Variants in CTIF observed in about 807,000 individuals in gnomAD.
The protein encoded by CTIF is cap binding complex dependent translation initiation factor.
A neutral mutation model predicts 66.0 loss-of-function variants in CTIF; 21 were observed. The observed-to-expected ratio is 0.32, with a 90% CI of 0.23 to 0.46. The LOEUF (loss-of-function observed/expected upper bound fraction) is 0.46, where lower values mean the gene tolerates loss of function less well. Among genes scored for constraint, CTIF ranks in the 20% least tolerant of loss-of-function variants. The pLI is 1.00. For missense variants in CTIF, 739 were observed against 812.7 expected (o/e 0.91, Z 1.10); for synonymous variants, 345 against 326.4 (o/e 1.06, Z -0.62).
intron 9 of CTIF, among the ~76,000 whole-genome samples, chr18:48,797,355 T>C: frequency 6.6e-6 from 1 of 152,038 alleles, no homozygotes; most frequent in Admixed American, 6.6e-5. Flanking sequence ...TGGTGGTGCG[T>C]GCCTGTAATG....
intron 1 of CTIF, among the ~76,000 whole-genome samples, chr18:48,588,869 C>G (rs996073982): frequency 2.0e-5 from 3 of 152,202 alleles, no homozygotes; most frequent in African/African-American, 7.2e-5. Context: ...CAAGGTCAGA[C>G]TTTTCCCTCT....
At chr18:48,616,998 T>C (rs937079306) in intron 1 of CTIF, among the ~76,000 whole-genome samples, 4 of 152,260 alleles carry the variant, frequency 2.6e-5, no homozygotes, top group African/African-American at 9.6e-5. Flanking sequence ...CTCACAGTTC[T>C]GTAAGTCAGA....
At chr18:48,550,414 C>T (rs2145528382) in intron 1 of CTIF, among the ~76,000 whole-genome samples, 1 of 152,178 alleles carries the variant, frequency 6.6e-6, no homozygotes, top group East Asian at 1.9e-4. Flanking sequence ...GTTCTGTTGT[C>T]CCTGCTGATT....
chr18:48,562,483 A>T (rs1156869068), intron 1 of CTIF, among the ~76,000 whole-genome samples: 1 of 152,220 alleles, frequency 6.6e-6, no homozygotes, highest in African/African-American at 2.4e-5. Context: ...CTGATGTGGC[A>T]TGGTCAGCAT....
chr18:48,619,396 T>C (rs1178956933), intron 1 of CTIF, 142 bp from the exon 2 acceptor site: 28 of 540,010 alleles, frequency 5.2e-5, no homozygotes, highest in South Asian at 3.2e-4. Context: ...AGCCCCTCGC[T>C]GACTTCTCAG....
At chr18:48,680,106 T>C (rs1189454141) in intron 6 of CTIF, among the ~76,000 whole-genome samples, 1 of 152,174 alleles carries the variant, frequency 6.6e-6, no homozygotes, top group African/African-American at 2.4e-5. Flanking sequence ...TGACTGAGCC[T>C]ATGCCCTCCT....
intron 9 of CTIF, among the ~76,000 whole-genome samples, chr18:48,815,400 A>G (rs1216638552): frequency 6.6e-6 from 1 of 152,212 alleles, no homozygotes; most frequent in Non-Finnish European, 1.5e-5. Context: ...CAGTAATAGG[A>G]CCTGCCTTAT....
At chr18:48,580,314 G>A (rs139517249) in intron 1 of CTIF, among the ~76,000 whole-genome samples, 391 of 152,306 alleles carry the variant, frequency 2.6e-3, no homozygotes, top group African/African-American at 9.2e-3. Flanking sequence ...TCTCCAATCA[G>A]CAAACAAGAG....
intron 7 of CTIF, among the ~76,000 whole-genome samples, chr18:48,721,466 G>C (rs2092335015): frequency 6.6e-6 from 1 of 152,050 alleles, no homozygotes; most frequent in African/African-American, 2.4e-5. Context: ...ATTCCTCTCC[G>C]GAGCCCCAAG....
At chr18:48,802,290 C>T (rs755363206) in intron 9 of CTIF, among the ~76,000 whole-genome samples, 10 of 152,198 alleles carry the variant, frequency 6.6e-5, no homozygotes, top group Non-Finnish European at 1.0e-4. Context: ...CACCTGTGCC[C>T]GGGCCTAGGC....
intron 10 of CTIF, among the ~76,000 whole-genome samples, chr18:48,837,941 T>C (rs948170925): frequency 6.6e-6 from 1 of 152,166 alleles, no homozygotes; most frequent in Non-Finnish European, 1.5e-5. Flanking sequence ...AGTGGGGCTG[T>C]CTCTGGAACT....
At chr18:48,612,888 G>A (rs771606972) in intron 1 of CTIF, among the ~76,000 whole-genome samples, 1 of 152,190 alleles carries the variant, frequency 6.6e-6, no homozygotes, top group Non-Finnish European at 1.5e-5. Flanking sequence ...AGCAGAAATT[G>A]GGGTCTTCCT....
At chr18:48,802,960 C>T (rs542128831) in intron 9 of CTIF, among the ~76,000 whole-genome samples, 1 of 152,378 alleles carries the variant, frequency 6.6e-6, no homozygotes, top group Non-Finnish European at 1.5e-5. Context: ...TTCAAGGCCA[C>T]AGCCACAGCA....
chr18:48,599,427 C>G (rs553933250), intron 1 of CTIF, among the ~76,000 whole-genome samples: 1 of 152,038 alleles, frequency 6.6e-6, no homozygotes, highest in Admixed American at 6.5e-5. Context: ...AGTCCTAATA[C>G]CACCTCTGAA....
intron 10 of CTIF, among the ~76,000 whole-genome samples, chr18:48,856,979 C>T (rs1429118760): frequency 6.6e-6 from 1 of 152,234 alleles, no homozygotes; most frequent in Non-Finnish European, 1.5e-5. Context: ...GAAGCATGGA[C>T]TGTAGCACGG....
chr18:48,782,708 A>C (rs1911348602), intron 9 of CTIF, among the ~76,000 whole-genome samples: 1 of 152,142 alleles, frequency 6.6e-6, no homozygotes, highest in African/African-American at 2.4e-5. Context: ...GGCTGGCATG[A>C]GATGTGGTTC....
chr18:48,564,033 A>C (rs999799797), intron 1 of CTIF, among the ~76,000 whole-genome samples: 1 of 152,126 alleles, frequency 6.6e-6, no homozygotes, highest in African/African-American at 2.4e-5. Context: ...GCTGCTCTCT[A>C]TATGGCTGCT....
intron 10 of CTIF, among the ~76,000 whole-genome samples, chr18:48,853,782 G>A (rs1404693215): frequency 6.6e-6 from 1 of 152,218 alleles, no homozygotes; most frequent in Non-Finnish European, 1.5e-5. Flanking sequence ...CCTGCTGCGG[G>A]GCCCCTAGGC....
Position 48,758,200 on chromosome 18 carries a change from C to G in CTIF, c.866C>G (p.Thr289Ser), listed in dbSNP as rs138325558. Residue 289 changes from threonine (T) to serine (S), a missense_variant, in exon 8 of 12, where the codon ACC becomes AGC. By Grantham distance (58) the Thr-to-Ser change is moderately conservative (BLOSUM62 1). Transcript: ENST00000256413. ...NPKLEDTAGD[T>S]GHSSLEAPRS... ...AAACTGGAGGACACTGCAGGGGACA[C>G]CGGGCACAGCAGCCTTGAGGCCCCC... The G allele has an allele frequency of 1.1e-5, 17 of 1,613,800 alleles. No homozygotes were observed. In the East Asian group the frequency reaches 3.6e-4, roughly 34 times the overall value.
Sources: gnomAD v4.1 joint callset for allele counts (sites outside exome capture counted in the v4.1 genomes callset) on GRCh38, gnomAD v4.1.1 for gene constraint, MANE v1.5 for transcripts, NCBI Gene and HGNC (gene_info 2026-07-23, HGNC 2026-07-21) for gene names.